Variants in LANCL3 observed in about 807,000 individuals in gnomAD.
The protein encoded by LANCL3 is LanC like family member 3, also known as lanC-like protein 3.
In LANCL3, 19 loss-of-function variants were observed where a neutral mutation model predicts 26.5. The ratio of observed to expected loss-of-function variants is 0.72; its 90% CI spans 0.50 to 1.05. LANCL3 has a LOEUF of 1.05. LANCL3 is among the 50% of genes least tolerant of loss of function. The probability of loss-of-function intolerance (pLI) is 0.00; values close to 1 mark genes in which losing one functional copy is unlikely to be tolerated. For missense variants in LANCL3, 318 were observed against 362.7 expected (o/e 0.88, Z 1.00); for synonymous variants, 160 against 166.6 (o/e 0.96, Z 0.30).
intron 1 of LANCL3, among the ~76,000 whole-genome samples, chrX:37,631,035 C>A (rs1556424155): frequency 9.0e-6 from 1 of 111,699 alleles, no homozygotes; most frequent in African/African-American, 3.3e-5. Context: ...GGTACCAGCT[C>A]CTCCTTGTAC....
chrX:37,593,473 G>A (rs1265569203), intron 1 of LANCL3, among the ~76,000 whole-genome samples: 1 of 111,928 alleles, frequency 8.9e-6, no homozygotes, highest in Non-Finnish European at 1.9e-5. Context: ...AGAAATAGTT[G>A]TATAAGGATG....
chrX:37,652,777 G>A (rs1307933624), intron 1 of LANCL3, among the ~76,000 whole-genome samples: 1 of 111,613 alleles, frequency 9.0e-6, no homozygotes, highest in Non-Finnish European at 1.9e-5. Context: ...GGCAGTGGGT[G>A]TGCTCATGCT....
At chrX:37,585,389 A>G (rs1198107980) in intron 1 of LANCL3, among the ~76,000 whole-genome samples, 2 of 111,413 alleles carry the variant, frequency 1.8e-5, no homozygotes, top group Non-Finnish European at 3.8e-5. Flanking sequence ...TAATGTTGAC[A>G]GTGGGGTGTT....
chrX:37,583,725 A>G (rs1284311324), intron 1 of LANCL3, among the ~76,000 whole-genome samples: 6 of 111,989 alleles, frequency 5.4e-5, no homozygotes, highest in Admixed American at 3.8e-4. Context: ...GGGCTGAGAC[A>G]ATGGGGTTTT....
chrX:37,625,166 T>G (rs1556422835), intron 1 of LANCL3, among the ~76,000 whole-genome samples: 1 of 111,808 alleles, frequency 8.9e-6, no homozygotes, highest in African/African-American at 3.2e-5. Flanking sequence ...GTATCACTAG[T>G]TTGGAATAGG....
intron 1 of LANCL3, among the ~76,000 whole-genome samples, chrX:37,625,721 T>A (rs187249536): frequency 8.1e-5 from 9 of 111,377 alleles, no homozygotes; most frequent in Non-Finnish European, 1.7e-4. Context: ...TTTTTTTTTT[T>A]TCCTGTTTGA....
At chrX:37,592,190 C>T (rs147475510) in intron 1 of LANCL3, among the ~76,000 whole-genome samples, 1,339 of 111,726 alleles carry the variant, frequency 0.012, 6 homozygotes, top group Non-Finnish European at 0.018. Flanking sequence ...GGTTGAAGGA[C>T]GATATGTGGT....
Position 37,600,109 on chromosome X carries a change from G to A in LANCL3, c.573+27666G>A, listed in dbSNP as rs1455816388. On this transcript the variant is annotated intron_variant, in intron 1 of 4. Transcript: ENST00000378619. ...CCTTATCCTCAGTTTCACTTTCTGT[G>A]GTTTCAGGTGCCTTTGGTCAACCAC... Among the ~76,000 whole-genome samples, 3 of 111,938 alleles carry A rather than the reference G, an allele frequency of 2.7e-5. No individual in the cohort carries two copies. The Admixed American group carries it at 2.8e-4, about 11-fold the overall frequency.
intron 1 of LANCL3, among the ~76,000 whole-genome samples, chrX:37,605,164 C>T (rs782398261): frequency 1.7e-4 from 19 of 111,960 alleles, no homozygotes; most frequent in Admixed American, 1.6e-3. Context: ...TTTATCCTTA[C>T]GCCTCCGAAG....
chrX:37,652,206 ACT>A (rs1926166589), intron 1 of LANCL3, among the ~76,000 whole-genome samples: 1 of 110,954 alleles, frequency 9.0e-6, no homozygotes, highest in African/African-American at 3.3e-5. Context: ...GCTAGCAAAG[ACT>A]GCCACTTCCT....
At chrX:37,633,055 A>G (rs1925581834) in intron 1 of LANCL3, among the ~76,000 whole-genome samples, 2 of 111,633 alleles carry the variant, frequency 1.8e-5, no homozygotes, top group Admixed American at 1.9e-4. Flanking sequence ...TTGTTTTCCA[A>G]CTTGGTTCCA....
Position 37,587,888 on chromosome X carries a change from C to T in LANCL3, c.573+15445C>T, listed in dbSNP as rs148746003. 5.8e-3 allele frequency among the ~76,000 whole-genome samples: 650 copies of T among 112,483 alleles called. 5 individuals are homozygous for T. The highest frequency in any genetic ancestry group is 0.019 in the African/African-American group (592 of 30,960). ...GAAATCACCCATCTTCTGCATCTCT[C>T]ACGCTGGGAGCTGTAGACTGGAGCT... On this transcript the variant is annotated intron_variant, in intron 1 of 4. Coordinates refer to ENST00000378619, the MANE Select transcript of LANCL3 (RefSeq NM_001170331.2).
chrX:37,672,167 G>T (rs1926698702), intron 4 of LANCL3, among the ~76,000 whole-genome samples: 1 of 111,178 alleles, frequency 9.0e-6, no homozygotes, highest in African/African-American at 3.3e-5. Context: ...TTGTTATTTG[G>T]ATAGATTACA....
chrX:37,610,731 A>G (rs1924844770), intron 1 of LANCL3, among the ~76,000 whole-genome samples: 1 of 112,264 alleles, frequency 8.9e-6, no homozygotes, highest in South Asian at 3.7e-4. Context: ...GAGAAGCAGA[A>G]GTTGCAAATA....
At chrX:37,658,612 A>G (rs1569469626) in intron 2 of LANCL3, among the ~76,000 whole-genome samples, 1 of 111,586 alleles carries the variant, frequency 9.0e-6, no homozygotes, top group Non-Finnish European at 1.9e-5. Flanking sequence ...ATATCTGGAC[A>G]CTCCATGGCC....
intron 1 of LANCL3, among the ~76,000 whole-genome samples, chrX:37,620,147 A>G (rs1925115579): frequency 1.8e-5 from 2 of 112,025 alleles, no homozygotes; most frequent in South Asian, 7.6e-4. Context: ...CCAGGAAGGA[A>G]GGTAGACAAA....
chrX:37,597,482 G>A (rs1332617073), intron 1 of LANCL3, among the ~76,000 whole-genome samples: 1 of 110,432 alleles, frequency 9.1e-6, no homozygotes, highest in East Asian at 2.8e-4. Flanking sequence ...AGCAAGGCAC[G>A]AAGGGTTCAG....
At chrX:37,605,796 A>G (rs1240063103) in intron 1 of LANCL3, among the ~76,000 whole-genome samples, 1 of 111,873 alleles carries the variant, frequency 8.9e-6, no homozygotes, top group Non-Finnish European at 1.9e-5. Flanking sequence ...ATTTAATACA[A>G]CACACTGCCA....
chrX:37,642,278 G>A, intron 1 of LANCL3, among the ~76,000 whole-genome samples: 1 of 112,117 alleles, frequency 8.9e-6, no homozygotes, highest in African/African-American at 3.2e-5. Context: ...TAGCAATGTT[G>A]TTAGATTGGC....
Sources: allele counts gnomAD v4.1 joint callset (sites outside exome capture counted in the v4.1 genomes callset), GRCh38; gene constraint gnomAD v4.1.1; transcripts MANE v1.5; gene names NCBI Gene and HGNC (gene_info 2026-07-23, HGNC 2026-07-21).